KCNH1: variants seen among roughly 807,000 people sequenced by gnomAD.
The protein encoded by KCNH1 is voltage-gated delayed rectifier potassium channel KCNH1.
KCNH1 carries 27 observed loss-of-function variants against 69.2 expected under a neutral mutation model. That is an observed-to-expected ratio of 0.39 (90% CI 0.29 to 0.54). KCNH1 has a LOEUF of 0.54. KCNH1 is among the 20% of genes least tolerant of loss of function. The pLI, the probability that KCNH1 is intolerant of heterozygous loss-of-function variation, is 0.68. For synonymous variants in KCNH1, 456 were observed against 487.7 expected (o/e 0.93, Z 0.86); for missense variants, 798 against 1,261.6 (o/e 0.63, Z 5.57).
chr1:210,860,655 T>A, intron 7 of KCNH1: 1 of 782,412 alleles, frequency 1.3e-6, no homozygotes, highest in East Asian at 2.4e-5. Context: ...GAGCCTGCAT[T>A]ACAGGTCTGA....
intron 7 of KCNH1, among the ~76,000 whole-genome samples, chr1:210,852,578 C>G (rs1685729469): frequency 6.6e-6 from 1 of 152,032 alleles, no homozygotes; most frequent in Non-Finnish European, 1.5e-5. Flanking sequence ...CCTTTGTGAA[C>G]CACAAAATAA....
intron 6 of KCNH1, among the ~76,000 whole-genome samples, chr1:210,921,082 C>T (rs1387158320): frequency 6.6e-6 from 1 of 152,180 alleles, no homozygotes; most frequent in East Asian, 1.9e-4. Context: ...TCAGTTACCC[C>T]TTGGTTCCCT....
chr1:210,729,831 G>A (rs1404674327), intron 10 of KCNH1, among the ~76,000 whole-genome samples: 11 of 152,150 alleles, frequency 7.2e-5, no homozygotes, highest in Admixed American at 7.2e-4. Flanking sequence ...AAAATTTTAA[G>A]TGCAGGGTTT....
chr1:210,914,093 AC>A (rs1687289579), intron 7 of KCNH1, among the ~76,000 whole-genome samples: 1 of 152,154 alleles, frequency 6.6e-6, no homozygotes, highest in African/African-American at 2.4e-5. Context: ...AGCCAGGCCA[AC>A]CCCAAACTTT....
intron 5 of KCNH1, among the ~76,000 whole-genome samples, chr1:211,024,254 T>C (rs553791719): frequency 5.3e-5 from 8 of 152,244 alleles, no homozygotes; most frequent in South Asian, 2.1e-4. Context: ...GGCAGAACAC[T>C]GTGATTTGAT....
intron 5 of KCNH1, among the ~76,000 whole-genome samples, chr1:211,036,500 A>G (rs1176122966): frequency 6.6e-6 from 1 of 152,312 alleles, no homozygotes; most frequent in East Asian, 1.9e-4. Context: ...CAGCACAAAA[A>G]GCTTTCTCAG....
chr1:210,801,872 A>G (rs1684435301), intron 8 of KCNH1, among the ~76,000 whole-genome samples: 1 of 152,258 alleles, frequency 6.6e-6, no homozygotes, highest in Non-Finnish European at 1.5e-5. Flanking sequence ...CCAAGAAATT[A>G]GAATGACTCT....
chr1:210,706,252 C>T (rs1681910864), intron 10 of KCNH1, among the ~76,000 whole-genome samples: 1 of 151,724 alleles, frequency 6.6e-6, no homozygotes, highest in African/African-American at 2.4e-5. Flanking sequence ...GAAATTTAGA[C>T]ACCAGCTCTT....
chr1:210,718,354 A>G (rs55731144), intron 10 of KCNH1, among the ~76,000 whole-genome samples: 4 of 5,472 alleles, frequency 7.3e-4, no homozygotes, highest in East Asian at 8.1e-3. Context: ...ATGTATATAT[A>G]CATATATTTA....
At chr1:210,875,471 G>T (rs1164206600) in intron 7 of KCNH1, among the ~76,000 whole-genome samples, 2 of 152,166 alleles carry the variant, frequency 1.3e-5, no homozygotes, top group African/African-American at 2.4e-5. Context: ...GGAGGGTTTA[G>T]GAAACTTGCT....
intron 6 of KCNH1, among the ~76,000 whole-genome samples, chr1:210,976,299 A>G (rs1688608575): frequency 6.6e-6 from 1 of 150,400 alleles, no homozygotes; most frequent in Non-Finnish European, 1.5e-5. Context: ...ACACATGCAC[A>G]TGTATGTTTA....
At chr1:210,754,079 T>G (rs1247202483) in intron 10 of KCNH1, among the ~76,000 whole-genome samples, 1 of 151,882 alleles carries the variant, frequency 6.6e-6, no homozygotes, top group African/African-American at 2.4e-5. Context: ...TGCGCCTGGC[T>G]AATTTTTTTT....
At chr1:211,014,559 C>A (rs1689457703) in intron 6 of KCNH1, among the ~76,000 whole-genome samples, 2 of 152,196 alleles carry the variant, frequency 1.3e-5, no homozygotes, top group East Asian at 1.9e-4. Context: ...CAGGCTTTAA[C>A]AATTTACCCC....
intron 5 of KCNH1, among the ~76,000 whole-genome samples, chr1:211,070,693 G>A (rs1933520): frequency 0.01 from 1,535 of 151,776 alleles, 16 homozygotes; most frequent in Middle Eastern, 0.024. Flanking sequence ...GCATGGTGAC[G>A]GGTGCCTGTA....
At chr1:210,886,849 A>C (rs1413157202) in intron 7 of KCNH1, among the ~76,000 whole-genome samples, 1 of 152,138 alleles carries the variant, frequency 6.6e-6, no homozygotes, top group Non-Finnish European at 1.5e-5. Flanking sequence ...ATTCGAGAAA[A>C]AAGAATGAAA....
chr1:210,846,148 T>G (rs955678529), intron 7 of KCNH1, among the ~76,000 whole-genome samples: 1 of 152,212 alleles, frequency 6.6e-6, no homozygotes, highest in South Asian at 2.1e-4. Flanking sequence ...AAAATGGCCG[T>G]ACTTCCCAAG....
intron 6 of KCNH1, among the ~76,000 whole-genome samples, chr1:210,998,645 C>T (rs1689103386): frequency 6.6e-6 from 1 of 152,204 alleles, no homozygotes; most frequent in Admixed American, 6.5e-5. Flanking sequence ...TTGAACTCAG[C>T]TCTGCCCCAA....
chr1:210,923,711 A>G (rs1475868442), intron 6 of KCNH1, among the ~76,000 whole-genome samples: 1 of 152,260 alleles, frequency 6.6e-6, no homozygotes, highest in African/African-American at 2.4e-5. Flanking sequence ...TCACTTGAAC[A>G]CATTGCCTTG....
chr1:210,976,064 C>G (rs184305469), intron 6 of KCNH1, among the ~76,000 whole-genome samples: 2 of 152,182 alleles, frequency 1.3e-5, no homozygotes, highest in African/African-American at 4.8e-5. Context: ...CCATCTCACA[C>G]CAGTTAGAAT....
Sources: allele counts gnomAD v4.1 joint callset (sites outside exome capture counted in the v4.1 genomes callset), GRCh38; gene constraint gnomAD v4.1.1; transcripts MANE v1.5; gene names NCBI Gene and HGNC (gene_info 2026-07-23, HGNC 2026-07-21).